KCNMB2: variants seen among roughly 807,000 people sequenced by gnomAD.
The protein encoded by KCNMB2 is potassium calcium-activated channel subfamily M regulatory beta subunit 2, also known as calcium-activated potassium channel subunit beta-2.
In KCNMB2, 9 loss-of-function variants were observed where a neutral mutation model predicts 24.5. The observed-to-expected ratio is 0.37, with a 90% CI of 0.22 to 0.64. The LOEUF (loss-of-function observed/expected upper bound fraction) is 0.64. KCNMB2 is among the 30% of genes least tolerant of loss of function. The pLI, the probability that KCNMB2 is intolerant of heterozygous loss-of-function variation, is 0.63. For missense variants in KCNMB2, 226 were observed against 284.3 expected, an observed-to-expected ratio of 0.79 and a Z score of 1.47; for synonymous variants, 109 against 104.4, an observed-to-expected ratio of 1.04 and a Z score of -0.27.
At chr3:178,619,046 G>A (rs1253509786) in intron 1 of KCNMB2, among the ~76,000 whole-genome samples, 1 of 152,100 alleles carries the variant, frequency 6.6e-6, no homozygotes, top group African/African-American at 2.4e-5. Context: ...CTAATACAGT[G>A]AGGAAACAGC....
chr3:178,761,326 C>T (rs769441459), intron 1 of KCNMB2, among the ~76,000 whole-genome samples: 2 of 152,064 alleles, frequency 1.3e-5, no homozygotes, highest in African/African-American at 2.4e-5. Context: ...TCACATGGAA[C>T]GAGCAATAGA....
intron 1 of KCNMB2, among the ~76,000 whole-genome samples, chr3:178,567,332 G>A (rs908428803): frequency 6.6e-6 from 1 of 152,104 alleles, no homozygotes; most frequent in Non-Finnish European, 1.5e-5. Context: ...GAAAACAGTT[G>A]GGGAGGAAGT....
intron 2 of KCNMB2, 112 bp downstream of exon 2, chr3:178,807,577 G>A (rs781640661): frequency 4.2e-5 from 37 of 875,484 alleles, no homozygotes; most frequent in Non-Finnish European, 1.9e-6. Context: ...GCAATGTGGG[G>A]ACAGACTCTA....
At chr3:178,652,488 T>C (rs556445379) in intron 1 of KCNMB2, among the ~76,000 whole-genome samples, 1 of 152,204 alleles carries the variant, frequency 6.6e-6, no homozygotes, top group East Asian at 1.9e-4. Context: ...TGTATTTTTT[T>C]CTCCAGTGAT....
chr3:178,817,367 G>GA (rs1714451033), intron 2 of KCNMB2, among the ~76,000 whole-genome samples: 1 of 151,860 alleles, frequency 6.6e-6, no homozygotes, highest in Non-Finnish European at 1.5e-5. Flanking sequence ...CCAGCTCAAG[G>GA]AAAAATCTAT....
intron 1 of KCNMB2, among the ~76,000 whole-genome samples, chr3:178,731,497 G>A (rs1432478900): frequency 6.6e-6 from 1 of 152,190 alleles, no homozygotes; most frequent in Non-Finnish European, 1.5e-5. Flanking sequence ...CACTGGTCAA[G>A]GAAATGAGCA....
chr3:178,589,542 A>G (rs941182488), intron 1 of KCNMB2, among the ~76,000 whole-genome samples: 3 of 152,116 alleles, frequency 2.0e-5, no homozygotes, highest in African/African-American at 7.2e-5. Context: ...GCAGTAGTGC[A>G]ATCATAGCCC....
At chr3:178,541,225 A>C (rs1336572289) in intron 1 of KCNMB2, among the ~76,000 whole-genome samples, 2 of 151,910 alleles carry the variant, frequency 1.3e-5, no homozygotes, top group South Asian at 2.1e-4. Flanking sequence ...AAAGCAAATA[A>C]AAATTCAATT....
At chr3:178,729,413 A>G (rs930536453) in intron 1 of KCNMB2, 1 of 152,312 alleles carries the variant, frequency 6.6e-6, no homozygotes, top group Admixed American at 6.5e-5. Context: ...ACAAAAATCC[A>G]GCTAAGTATG....
rs148680736 is a variant in KCNMB2 at position 178,762,597 on chromosome 3, A to C, written c.-67-44746A>C. 8.9e-3 allele frequency among the ~76,000 whole-genome samples: 1,348 copies of C among 152,270 alleles called. 21 individuals carry two copies. Among genetic ancestry groups the C allele is most frequent in the African/African-American group, 0.03 (1,263 of 41,552 alleles). On this transcript the variant is annotated intron_variant, in intron 1 of 4. Transcript: ENST00000452583. Reference sequence around the variant, plus strand: ...TGTAGAATGTAAGGGAACAGCCAAGAAAAAAATAATACCAGTAATGAGGCT... The same window carrying C: ...TGTAGAATGTAAGGGAACAGCCAAGCAAAAAATAATACCAGTAATGAGGCT...
chr3:178,757,074 G>A (rs1167713098), intron 1 of KCNMB2: 1 of 150,230 alleles, frequency 6.7e-6, no homozygotes, highest in Non-Finnish European at 1.5e-5. Flanking sequence ...ACCCATCCTT[G>A]CTTACCTCTC....
At chr3:178,721,715 C>T (rs530663303) in intron 1 of KCNMB2, among the ~76,000 whole-genome samples, 1 of 152,254 alleles carries the variant, frequency 6.6e-6, no homozygotes, top group South Asian at 2.1e-4. Flanking sequence ...TCCAGGTTTT[C>T]CACATTTTTT....
intron 1 of KCNMB2, among the ~76,000 whole-genome samples, chr3:178,570,019 T>G (rs531668393): frequency 5.1e-4 from 78 of 152,308 alleles, no homozygotes; most frequent in African/African-American, 1.9e-3. Context: ...CGGAGCAAGA[T>G]TATTTGGAAT....
At chr3:178,649,225 A>T (rs1720022355) in intron 1 of KCNMB2, among the ~76,000 whole-genome samples, 1 of 152,096 alleles carries the variant, frequency 6.6e-6, no homozygotes, top group African/African-American at 2.4e-5. Context: ...TCAGTTCATC[A>T]TCTTTGCTCT....
At position 178,754,210 on chromosome 3, in the gene KCNMB2, A is replaced by ATATATATC. The variant is rs1437107882; in HGVS notation, c.-67-53132_-67-53131insATATATCT. Among the ~76,000 whole-genome samples the ATATATATC allele has an allele frequency of 3.5e-4, 51 of 147,320 alleles. 1 individual carries two copies. The highest frequency in any genetic ancestry group is 1.6e-3 in the Admixed American group (24 of 14,688). ...CACACACATACATATATATATATAT[A>ATATATATC]TCACATTTTCTTTATTCATTCATCT... On this transcript the variant is annotated intron_variant, in intron 1 of 4. Coordinates refer to ENST00000452583, the MANE Select transcript of KCNMB2 (RefSeq NM_181361.3).
At chr3:178,733,854 A>G (rs1322663780) in intron 1 of KCNMB2, among the ~76,000 whole-genome samples, 1 of 152,176 alleles carries the variant, frequency 6.6e-6, no homozygotes, top group African/African-American at 2.4e-5. Context: ...CAATAAAAGC[A>G]AAAAAACTCA....
chr3:178,659,406 C>T (rs1171846764), intron 1 of KCNMB2, among the ~76,000 whole-genome samples: 2 of 152,080 alleles, frequency 1.3e-5, no homozygotes, highest in African/African-American at 4.8e-5. Context: ...TCTTTAAAAC[C>T]ATAATTTTAA....
At chr3:178,592,396 T>C (rs1401926884) in intron 1 of KCNMB2, among the ~76,000 whole-genome samples, 7 of 151,912 alleles carry the variant, frequency 4.6e-5, no homozygotes, top group South Asian at 4.1e-4. Flanking sequence ...CAGAGGTCCA[T>C]TGAGGACAAA....
chr3:178,586,075 T>C (rs2108494134), intron 1 of KCNMB2, among the ~76,000 whole-genome samples: 1 of 152,282 alleles, frequency 6.6e-6, no homozygotes, highest in Non-Finnish European at 1.5e-5. Context: ...CCTCTTGCTG[T>C]TTCTCTACCC....
Sources: gnomAD v4.1 joint callset for allele counts (sites outside exome capture counted in the v4.1 genomes callset) on GRCh38, gnomAD v4.1.1 for gene constraint, MANE v1.5 for transcripts, NCBI Gene and HGNC (gene_info 2026-07-23, HGNC 2026-07-21) for gene names.